Variants in KLHL1 observed in about 807,000 individuals in gnomAD.
The protein encoded by KLHL1 is kelch like family member 1, also known as kelch-like protein 1.
A neutral mutation model predicts 77.7 loss-of-function variants in KLHL1; 47 were observed. That is an observed-to-expected ratio of 0.60 (90% CI 0.48 to 0.77). KLHL1 has a LOEUF of 0.77. Among genes scored for constraint, KLHL1 ranks in the 30% least tolerant of loss-of-function variants. The pLI is 0.00. For synonymous variants in KLHL1, 360 were observed against 325.2 expected, an observed-to-expected ratio of 1.11 and a Z score of -1.15; for missense variants, 925 against 910.8, an observed-to-expected ratio of 1.02 and a Z score of -0.20.
chr13:69,889,660 GATTTA>G (rs1335322736), intron 4 of KLHL1, among the ~76,000 whole-genome samples: 1 of 152,004 alleles, frequency 6.6e-6, no homozygotes, highest in Non-Finnish European at 1.5e-5. Flanking sequence ...GATTATGGGT[GATTTA>G]ATTTGGAGAG....
At chr13:69,813,312 C>CG (rs556615198) in intron 6 of KLHL1, among the ~76,000 whole-genome samples, 2,616 of 147,274 alleles carry the variant, frequency 0.018, 72 homozygotes, top group African/African-American at 0.061. Context: ...CATCACACAC[C>CG]GGGGCCTGTT....
intron 5 of KLHL1, among the ~76,000 whole-genome samples, chr13:69,856,199 A>G (rs1026188618): frequency 6.6e-6 from 1 of 151,884 alleles, no homozygotes; most frequent in African/African-American, 2.4e-5. Flanking sequence ...CAGTTGAAAA[A>G]TAAATTTTAA....
intron 1 of KLHL1, among the ~76,000 whole-genome samples, chr13:70,086,154 A>G (rs1198976049): frequency 6.6e-6 from 1 of 152,128 alleles, no homozygotes; most frequent in East Asian, 1.9e-4. Flanking sequence ...GAAAAGACCT[A>G]GAGGGTAGAA....
In KLHL1 at chr13:69,882,324, T is replaced by G. The variant is rs1212042339; in HGVS notation, c.1186A>C (p.Met396Leu). Residue 396 changes from methionine to leucine, a missense_variant, in exon 5 of 11, where the codon ATG (methionine) becomes CTG (leucine). Met to Leu is a conservative substitution (Grantham distance 15). Transcript: ENST00000377844. ...GGCAGTCTTATAAAGGCAAGAAGCA[T>G]GCTCAGGTCATTGCATCTACTCTGC... ...DMQSRCNDLS[M>L]LLAFIRLPLL... 6.2e-7 allele frequency: 1 copy of G among 1,613,994 alleles called. No individual in the cohort carries two copies. Among genetic ancestry groups the G allele is most frequent in the Admixed American group, 1.7e-5 (1 of 60,020 alleles).
At chr13:70,088,138 C>A (rs1329694611) in intron 1 of KLHL1, among the ~76,000 whole-genome samples, 1 of 152,088 alleles carries the variant, frequency 6.6e-6, no homozygotes, top group Non-Finnish European at 1.5e-5. Flanking sequence ...TAATGAGCGC[C>A]ACGAACTTTC....
intron 7 of KLHL1, among the ~76,000 whole-genome samples, chr13:69,772,939 CAGGTTTCATTAAG>C (rs1184944839): frequency 2.0e-5 from 3 of 151,882 alleles, no homozygotes; most frequent in Non-Finnish European, 4.4e-5. Context: ...TTGATCCAAA[CAGGTTTCATTAAG>C]AGGAATATTC....
At chr13:69,933,029 C>T in intron 4 of KLHL1, among the ~76,000 whole-genome samples, 1 of 151,744 alleles carries the variant, frequency 6.6e-6, no homozygotes, top group East Asian at 1.9e-4. Flanking sequence ...TCCTTTGTAC[C>T]CAGCCTGCCA....
intron 1 of KLHL1, among the ~76,000 whole-genome samples, chr13:69,994,622 A>G (rs1026874709): frequency 2.6e-5 from 4 of 152,098 alleles, no homozygotes; most frequent in African/African-American, 4.8e-5. Context: ...GTACATTGGG[A>G]GTACCTATAG....
intron 1 of KLHL1, among the ~76,000 whole-genome samples, chr13:69,984,042 C>T (rs1046046983): frequency 6.6e-6 from 1 of 152,006 alleles, no homozygotes; most frequent in Non-Finnish European, 1.5e-5. Context: ...GACCTGAAAC[C>T]ATAAAATTAT....
At chr13:69,928,082 C>T (rs1050818671) in intron 4 of KLHL1, among the ~76,000 whole-genome samples, 3 of 152,126 alleles carry the variant, frequency 2.0e-5, no homozygotes, top group Non-Finnish European at 2.9e-5. Context: ...CATTGGCACC[C>T]CCATTGTTCC....
At chr13:69,959,807 C>A (rs910814470) in intron 3 of KLHL1, among the ~76,000 whole-genome samples, 29 of 151,918 alleles carry the variant, frequency 1.9e-4, no homozygotes, top group Admixed American at 1.8e-3. Context: ...TATCCTCTCG[C>A]AAAGATGAGA....
chr13:69,983,989 C>A (rs1467944404), intron 1 of KLHL1, among the ~76,000 whole-genome samples: 1 of 152,042 alleles, frequency 6.6e-6, no homozygotes, highest in Non-Finnish European at 1.5e-5. Context: ...CGATCTCTCA[C>A]TACTTAAAGT....
chr13:69,858,389 T>C (rs572276796), intron 5 of KLHL1, among the ~76,000 whole-genome samples: 5 of 152,072 alleles, frequency 3.3e-5, no homozygotes, highest in Non-Finnish European at 7.4e-5. Flanking sequence ...CTAATTCTTC[T>C]AAATATTATG....
intron 6 of KLHL1, among the ~76,000 whole-genome samples, chr13:69,813,503 C>T (rs201688455): frequency 0.022 from 3,274 of 148,854 alleles, 73 homozygotes; most frequent in East Asian, 0.063. Context: ...CACACACACA[C>T]ATATATATAT....
intron 5 of KLHL1, among the ~76,000 whole-genome samples, chr13:69,879,258 T>C (rs1200972346): frequency 1.3e-5 from 2 of 152,170 alleles, no homozygotes; most frequent in Admixed American, 6.5e-5. Flanking sequence ...TATATAATAC[T>C]TTGATTCATG....
At chr13:69,782,626 C>T (rs1461108449) in intron 7 of KLHL1, among the ~76,000 whole-genome samples, 1 of 152,194 alleles carries the variant, frequency 6.6e-6, no homozygotes, top group African/African-American at 2.4e-5. Context: ...GGGTGCCTGC[C>T]ATTGCCCAAG....
At chr13:69,979,976 C>T (rs1884660770) in intron 1 of KLHL1, among the ~76,000 whole-genome samples, 1 of 152,200 alleles carries the variant, frequency 6.6e-6, no homozygotes, top group Admixed American at 6.5e-5. Flanking sequence ...AATTCGACTT[C>T]CATAACTACC....
intron 5 of KLHL1, among the ~76,000 whole-genome samples, chr13:69,855,079 C>A (rs1002476206): frequency 6.6e-6 from 1 of 151,772 alleles, no homozygotes; most frequent in Non-Finnish European, 1.5e-5. Context: ...TATATGAAAG[C>A]ATTTATAATT....
At chr13:69,835,491 G>A (rs1878951495) in intron 6 of KLHL1, among the ~76,000 whole-genome samples, 1 of 152,026 alleles carries the variant, frequency 6.6e-6, no homozygotes, top group Non-Finnish European at 1.5e-5. Flanking sequence ...ACACAAGGCG[G>A]GAGAACAAGG....
Sources: gnomAD v4.1 joint callset for allele counts (sites outside exome capture counted in the v4.1 genomes callset) on GRCh38, gnomAD v4.1.1 for gene constraint, MANE v1.5 for transcripts, NCBI Gene and HGNC (gene_info 2026-07-23, HGNC 2026-07-21) for gene names.